Variants in NXPE1 observed in about 807,000 individuals in gnomAD.
NXPE1 encodes the protein neurexophilin and PC-esterase domain family member 1.
NXPE1 carries 31 observed loss-of-function variants against 33.3 expected under a neutral mutation model. The ratio of observed to expected loss-of-function variants is 0.93; its 90% CI spans 0.70 to 1.26. The LOEUF (loss-of-function observed/expected upper bound fraction) is 1.26, where lower values mean the gene tolerates loss of function less well. Ranked by LOEUF, NXPE1 falls within the 50% of genes most tolerant of loss-of-function variation. The pLI, the probability that NXPE1 is intolerant of heterozygous loss-of-function variation, is 0.00. For synonymous variants in NXPE1, 229 were observed against 231.4 expected, an observed-to-expected ratio of 0.99 and a Z score of 0.09; for missense variants, 661 against 655.6, an observed-to-expected ratio of 1.01 and a Z score of -0.09.
At chr11:114,520,439 A>G (rs529893720), downstream of NXPE1, among the ~76,000 whole-genome samples, 2 of 152,234 alleles carry the variant, frequency 1.3e-5, no homozygotes, top group Non-Finnish European at 2.9e-5. Context: ...TTGCAAATAT[A>G]GCAGCATCTC....
At chr11:114,533,573 G>A (rs535071833) in intron 5 of NXPE1, among the ~76,000 whole-genome samples, 2 of 152,266 alleles carry the variant, frequency 1.3e-5, no homozygotes, top group South Asian at 4.2e-4. Flanking sequence ...TGGAAAATCG[G>A]GTCACTCCCA....
chr11:114,548,915 T>G (rs1020886243), intron 5 of NXPE1, among the ~76,000 whole-genome samples: 1 of 151,918 alleles, frequency 6.6e-6, no homozygotes, highest in African/African-American at 2.4e-5. Context: ...CTAGTGAATC[T>G]AATCAATTCA....
At chr11:114,519,189 AT>A (rs1182710360), downstream of NXPE1, among the ~76,000 whole-genome samples, 1 of 151,012 alleles carries the variant, frequency 6.6e-6, no homozygotes, top group Non-Finnish European at 1.5e-5. Context: ...AATTATACAT[AT>A]TTTTCTAAAG....
exon 9 of NXPE1, chr11:114,522,367 A>G (rs776174268): frequency 1.2e-5 from 19 of 1,614,004 alleles, no homozygotes; most frequent in Non-Finnish European, 1.6e-5. Context: ...TATAATCATG[A>G]TCTATCAGAG....
rs1428807574 is a variant in NXPE1, at chr11:114,538,824, A to G, written c.100-7916T>C. On this transcript the variant is annotated intron_variant, in intron 5 of 8. Coordinates refer to ENST00000534921, the Ensembl canonical transcript of NXPE1. ...GATGTGGAGAAATAGGAACACTTTT[A>G]CATTGTTGGTGGGACTGTAAACTAG... Among the ~76,000 whole-genome samples, 3 of 152,204 alleles carry G rather than the reference A, an allele frequency of 2.0e-5. No individual in the cohort carries two copies. The South Asian group carries it at 6.2e-4, about 31-fold the overall frequency.
exon 7 of NXPE1, chr11:114,527,862 G>A: frequency 6.2e-7 from 1 of 1,606,782 alleles, no homozygotes; most frequent in Non-Finnish European, 8.5e-7. Context: ...TGACATCAAT[G>A]TGTTTACGAT....
chr11:114,551,081 A>G, intron 5 of NXPE1, 22 bp downstream of exon 5: 1 of 1,301,416 alleles, frequency 7.7e-7, no homozygotes, highest in East Asian at 2.5e-5. Context: ...TGTGATCTGC[A>G]TCAAAGGTGA....
At chr11:114,520,865 T>C (rs915273539), downstream of NXPE1, among the ~76,000 whole-genome samples, 3 of 152,254 alleles carry the variant, frequency 2.0e-5, no homozygotes, top group Admixed American at 1.3e-4. Flanking sequence ...ATACTTTACA[T>C]TGCATCAAAT....
intron 1 of NXPE1, among the ~76,000 whole-genome samples, chr11:114,559,014 C>G (rs1382597499): frequency 6.6e-6 from 1 of 152,136 alleles, no homozygotes. Flanking sequence ...AGATACAACT[C>G]ACTAGATTTA....
intron 1 of NXPE1, among the ~76,000 whole-genome samples, chr11:114,557,669 ATAT>A (rs1454604837): frequency 1.7e-4 from 20 of 114,660 alleles, no homozygotes; most frequent in Admixed American, 4.5e-4. Flanking sequence ...ATATATATAT[ATAT>A]AAAATCCTTG....
At chr11:114,530,881 A>C (rs1195047258) in exon 6 of NXPE1, 4 of 1,612,432 alleles carry the variant, frequency 2.5e-6, no homozygotes, top group Non-Finnish European at 3.4e-6. Context: ...TAATGGACAG[A>C]GATGGATAAG....
chr11:114,536,361 C>G (rs1680439818), intron 5 of NXPE1, among the ~76,000 whole-genome samples: 1 of 152,050 alleles, frequency 6.6e-6, no homozygotes, highest in Non-Finnish European at 1.5e-5. Context: ...CCTAACATCA[C>G]AATTAAAAGA....
chr11:114,543,494 C>A (rs1228422655), intron 5 of NXPE1, among the ~76,000 whole-genome samples: 6 of 150,452 alleles, frequency 4.0e-5, no homozygotes, highest in African/African-American at 1.5e-4. Flanking sequence ...GCACTCCAGC[C>A]TGGGGTACAG....
chr11:114,533,262 A>G (rs1947653476), intron 5 of NXPE1, among the ~76,000 whole-genome samples: 1 of 152,230 alleles, frequency 6.6e-6, no homozygotes, highest in South Asian at 2.1e-4. Flanking sequence ...ACAAACTCAC[A>G]AACTCAAAAG....
intron 5 of NXPE1, among the ~76,000 whole-genome samples, chr11:114,541,789 A>C (rs1355453765): frequency 6.6e-6 from 1 of 152,234 alleles, no homozygotes; most frequent in African/African-American, 2.4e-5. Context: ...ATCAGAGCTT[A>C]GTCCTCAGAA....
At chr11:114,543,918 T>C (rs928590000) in intron 5 of NXPE1, among the ~76,000 whole-genome samples, 1 of 152,202 alleles carries the variant, frequency 6.6e-6, no homozygotes, top group Non-Finnish European at 1.5e-5. Flanking sequence ...TAAAATTTAA[T>C]TGTTTTGCTA....
At chr11:114,533,666 G>A (rs1454596377) in intron 5 of NXPE1, among the ~76,000 whole-genome samples, 3 of 152,302 alleles carry the variant, frequency 2.0e-5, no homozygotes, top group East Asian at 1.9e-4. Context: ...AGGGTCCTAC[G>A]CCCACGGAGC....
chr11:114,523,038 C>T (rs1288270294), exon 8 of NXPE1: 2 of 1,613,746 alleles, frequency 1.2e-6, no homozygotes, highest in East Asian at 4.5e-5. Flanking sequence ...GTATAACCAC[C>T]AGGGACAGGA....
intron 7 of NXPE1, among the ~76,000 whole-genome samples, chr11:114,527,383 ATATT>A (rs1402662718): frequency 6.6e-6 from 1 of 152,250 alleles, no homozygotes; most frequent in Non-Finnish European, 1.5e-5. Flanking sequence ...GGTAGTATAA[ATATT>A]CTTTCATAAG....
Sources: gnomAD v4.1 joint callset for allele counts (sites outside exome capture counted in the v4.1 genomes callset) on GRCh38, gnomAD v4.1.1 for gene constraint, MANE v1.5 for transcripts, NCBI Gene and HGNC (gene_info 2026-07-23, HGNC 2026-07-21) for gene names.